Variants in MCF2L2 observed in about 807,000 individuals in gnomAD.
MCF2L2 encodes MCF.2 cell line derived transforming sequence-like 2, also known as probable guanine nucleotide exchange factor MCF2L2.
Under a neutral mutation model 150.2 loss-of-function variants are expected in MCF2L2, and 102 were observed. That is an observed-to-expected ratio of 0.68 (90% CI 0.58 to 0.80). The LOEUF is 0.80. Ranked by LOEUF, MCF2L2 falls within the 30% of genes least tolerant of loss-of-function variation. The pLI, the probability that MCF2L2 is intolerant of heterozygous loss-of-function variation, is 0.00. For missense variants in MCF2L2, 1,256 were observed against 1,372.8 expected (o/e 0.91, Z 1.34); for synonymous variants, 465 against 491.3 (o/e 0.95, Z 0.71).
chr3:183,339,324 T>G (rs1161363552), intron 4 of MCF2L2, among the ~76,000 whole-genome samples: 1 of 152,200 alleles, frequency 6.6e-6, no homozygotes, highest in Non-Finnish European at 1.5e-5. Flanking sequence ...CTCATATTCT[T>G]AAAATATTTT....
At chr3:183,213,520 G>A (rs1373463881) in intron 22 of MCF2L2, among the ~76,000 whole-genome samples, 1 of 151,956 alleles carries the variant, frequency 6.6e-6, no homozygotes, top group African/African-American at 2.4e-5. Context: ...ATTTCAAGCA[G>A]AGAAACTAAG....
chr3:183,292,367 C>T (rs200764489), intron 13 of MCF2L2, among the ~76,000 whole-genome samples: 1 of 151,630 alleles, frequency 6.6e-6, no homozygotes, highest in East Asian at 1.9e-4. Context: ...CCTGCCTGGA[C>T]AATATAGCAA....
intron 13 of MCF2L2, among the ~76,000 whole-genome samples, chr3:183,294,551 A>ATG (rs367979993): frequency 0.16 from 22,268 of 139,252 alleles, 2,147 homozygotes; most frequent in East Asian, 0.45. Flanking sequence ...ATATATATGT[A>ATG]TGTGTGTGTG....
At chr3:183,322,097 T>G (rs1729837386) in intron 6 of MCF2L2, among the ~76,000 whole-genome samples, 1 of 152,244 alleles carries the variant, frequency 6.6e-6, no homozygotes, top group Non-Finnish European at 1.5e-5. Flanking sequence ...CCCCTCCTCT[T>G]AATGCTATCA....
chr3:183,370,154 AGC>A (rs962159609), intron 3 of MCF2L2, among the ~76,000 whole-genome samples: 2 of 152,384 alleles, frequency 1.3e-5, no homozygotes, highest in African/African-American at 4.8e-5. Context: ...CTGAAAGCCA[AGC>A]TACAAGTTAA....
chr3:183,187,709 C>G (rs1225717250), intron 27 of MCF2L2, among the ~76,000 whole-genome samples: 1 of 152,158 alleles, frequency 6.6e-6, no homozygotes, highest in Non-Finnish European at 1.5e-5. Flanking sequence ...CCTCCTGATC[C>G]TCCCGCCTCG....
At position 183,179,390 on chromosome 3, in the gene MCF2L2, T is replaced by C; in HGVS notation, c.3335A>G (p.Gln1112Arg). ...GCGTCCGCAGGGAGGTCAGCTCTCC[T>C]GGGCGGAGGTCCTCGGGCGCAGCGC... Reference protein sequence around the residue: ...ARALRPRTSAQES With the variant: ...ARALRPRTSARES Residue 1112 changes from glutamine (Q) to arginine (R), a missense_variant, in exon 30 of 30, where the codon CAG becomes CGG. By Grantham distance (43) the Gln-to-Arg change is conservative. Transcript: ENST00000328913. The surrounding 1 kb of genome is among the most constrained non-coding windows in gnomAD (Gnocchi z 4.2). 1.9e-6 allele frequency: 3 copies of C among 1,544,230 alleles called. No individual in the cohort carries two copies. Among genetic ancestry groups the C allele is most frequent in the Non-Finnish European group, 1.7e-6 (2 of 1,144,856 alleles).
chr3:183,265,991 A>G (rs1235138898), intron 15 of MCF2L2: 2 of 152,212 alleles, frequency 1.3e-5, no homozygotes, highest in African/African-American at 2.4e-5. Context: ...GTTGATGTCA[A>G]TTTGGAACAG....
chr3:183,267,329 C>T lies in MCF2L2; in HGVS notation c.1862+9543G>A, dbSNP rs1046250342. 6.6e-6 allele frequency among the ~76,000 whole-genome samples: 1 copy of T among 152,342 alleles called. No individual in the cohort carries two copies. On this transcript the variant is annotated intron_variant, in intron 15 of 29. Coordinates refer to ENST00000328913, the MANE Select transcript of MCF2L2 (RefSeq NM_015078.4). The surrounding 1 kb of genome is among the most constrained non-coding windows in gnomAD (Gnocchi z 5.5). ...ATCTCTGGACAAAGTCTGAATGGGG[C>T]TTGGCTCTAATCTCTAGTCCTCATT... is the stretch of plus-strand genomic sequence containing the variant.
intron 3 of MCF2L2, among the ~76,000 whole-genome samples, chr3:183,366,101 G>C (rs1577095846): frequency 1.3e-5 from 2 of 152,016 alleles, no homozygotes; most frequent in African/African-American, 4.8e-5. Flanking sequence ...CTTTATGCAG[G>C]TTTGAAGGCC....
At chr3:183,410,863 G>T (rs965745694) in intron 1 of MCF2L2, among the ~76,000 whole-genome samples, 16 of 152,174 alleles carry the variant, frequency 1.1e-4, no homozygotes, top group Admixed American at 9.2e-4. Flanking sequence ...ATAAAGAGCT[G>T]ATCTGCAGAG....
intron 1 of MCF2L2, among the ~76,000 whole-genome samples, chr3:183,426,597 C>G (rs1004182163): frequency 5.3e-5 from 8 of 152,340 alleles, no homozygotes; most frequent in Admixed American, 2.6e-4. Context: ...CACCCCGAGT[C>G]CACTGCTCTT....
At chr3:183,257,959 T>A (rs1027033758) in intron 15 of MCF2L2, among the ~76,000 whole-genome samples, 5 of 7,506 alleles carry the variant, frequency 6.7e-4, no homozygotes, top group Non-Finnish European at 1.6e-3. Context: ...CACTTCACCC[T>A]TTTTTTTTTT....
intron 15 of MCF2L2, among the ~76,000 whole-genome samples, chr3:183,255,444 G>C (rs923299497): frequency 6.6e-6 from 1 of 152,180 alleles, no homozygotes; most frequent in Non-Finnish European, 1.5e-5. Flanking sequence ...TACTTAACCT[G>C]CTTGTCCTTC....
intron 2 of MCF2L2, among the ~76,000 whole-genome samples, chr3:183,382,614 A>G (rs1271687055): frequency 6.6e-6 from 1 of 152,212 alleles, no homozygotes; most frequent in East Asian, 1.9e-4. Context: ...GTAATGCAAT[A>G]GGAAGAAAGA....
At chr3:183,242,551 A>G (rs1022763833) in intron 15 of MCF2L2, among the ~76,000 whole-genome samples, 7 of 152,230 alleles carry the variant, frequency 4.6e-5, no homozygotes, top group Non-Finnish European at 1.0e-4. Context: ...GCTTACACGT[A>G]GTGTTGGGCC....
At chr3:183,234,905 A>T in intron 15 of MCF2L2, among the ~76,000 whole-genome samples, 1 of 104,924 alleles carries the variant, frequency 9.5e-6, no homozygotes, top group Admixed American at 1.0e-4. Context: ...TGTCCATGTG[A>T]TCTCATTGTT....
In MCF2L2 at chr3:183,374,086, C is replaced by T. The variant is rs548924239; in HGVS notation, c.275+5211G>A. The T allele has an allele frequency of 1.2e-3, 186 of 153,050 alleles. 1 individual carries two copies. The highest frequency in any genetic ancestry group is 4.0e-3 in the African/African-American group (167 of 41,494). 9.5% of individuals were successfully genotyped at this position (153,050 alleles called of 1,614,324 possible). A position where few individuals can be genotyped will look rare whatever the true frequency, so the allele number is the denominator to read the frequency against. ...AGAATCCCCTAATTGGTCTCCCTGC[C>T]TCCCTTTCCTGCTCTCTCCAATCCA... is the stretch of plus-strand genomic sequence containing the variant. On this transcript the variant is annotated intron_variant, in intron 3 of 29. Coordinates refer to ENST00000328913, the MANE Select transcript of MCF2L2 (RefSeq NM_015078.4).
intron 3 of MCF2L2, among the ~76,000 whole-genome samples, chr3:183,348,853 G>T (rs532903781): frequency 6.6e-6 from 1 of 152,234 alleles, no homozygotes; most frequent in South Asian, 2.1e-4. Flanking sequence ...CAATAACATT[G>T]CCCCAAAGAC....
Sources: allele counts gnomAD v4.1 joint callset (sites outside exome capture counted in the v4.1 genomes callset), GRCh38; gene constraint gnomAD v4.1.1; non-coding constraint Gnocchi (gnomAD v3.1); transcripts MANE v1.5; gene names NCBI Gene and HGNC (gene_info 2026-07-23, HGNC 2026-07-21).